PTPRH: variants seen among roughly 807,000 people sequenced by gnomAD.
PTPRH encodes protein tyrosine phosphatase receptor type H, also known as receptor-type tyrosine-protein phosphatase H.
PTPRH carries 113 observed loss-of-function variants against 130.2 expected under a neutral mutation model. That is an observed-to-expected ratio of 0.87 (90% CI 0.75 to 1.01). The LOEUF is 1.01. Ranked by LOEUF, PTPRH falls within the 50% of genes least tolerant of loss-of-function variation. PTPRH has a pLI of 0.00. For missense variants in PTPRH, 1,430 were observed against 1,425.0 expected (o/e 1.00, Z -0.06); for synonymous variants, 556 against 577.9 (o/e 0.96, Z 0.54).
At chr19:55,189,464 C>G (rs2086459299) in intron 12 of PTPRH, among the ~76,000 whole-genome samples, 1 of 152,208 alleles carries the variant, frequency 6.6e-6, no homozygotes, top group African/African-American at 2.4e-5. Context: ...TCTCTGACCT[C>G]ACTTCCCACT....
rs73066680 is a variant in PTPRH, at chr19:55,196,507, C to T, written c.2257+15G>A. The T allele has an allele frequency of 6.8e-4, 1,091 of 1,601,418 alleles. No individual in the cohort carries two copies. Among genetic ancestry groups the T allele is most frequent in the Non-Finnish European group, 8.8e-4 (1,034 of 1,173,766 alleles). On this transcript the variant is annotated intron_variant, in intron 10 of 19. Transcript: ENST00000376350. ...AATTTCATCATAGCTGGCTGGCCCG[C>T]GCGGCTCCGCTCACCTGCACTCTCG... is the stretch of plus-strand genomic sequence containing the variant.
chr19:55,204,429 G>T (rs2086978356), intron 4 of PTPRH, among the ~76,000 whole-genome samples: 2 of 152,182 alleles, frequency 1.3e-5, no homozygotes, highest in African/African-American at 4.8e-5. Context: ...GATCATCAGA[G>T]TTCCTAGTTG....
At chr19:55,207,570 AGGGCCTGG>A (rs901570666) in intron 1 of PTPRH, among the ~76,000 whole-genome samples, 4 of 140,594 alleles carry the variant, frequency 2.8e-5, no homozygotes, top group Non-Finnish European at 3.1e-5. Context: ...CTGAGGGTGG[AGGGCCTGG>A]GGGCCTGGGG....
intron 3 of PTPRH, among the ~76,000 whole-genome samples, chr19:55,206,465 G>A (rs915577026): frequency 4.0e-5 from 6 of 150,262 alleles, no homozygotes; most frequent in African/African-American, 7.4e-5. Context: ...ATGGGACCAC[G>A]GGAACACGCC....
intron 7 of PTPRH, among the ~76,000 whole-genome samples, chr19:55,199,896 GAGAA>G (rs949387087): frequency 6.8e-6 from 1 of 146,436 alleles, no homozygotes; most frequent in African/African-American, 2.5e-5. Context: ...GAAAGAAAGA[GAGAA>G]AGGAAGGAAA....
intron 5 of PTPRH, among the ~76,000 whole-genome samples, chr19:55,203,326 C>CAA (rs531285040): frequency 0.21 from 15,417 of 74,830 alleles, 1,481 homozygotes; most frequent in Admixed American, 0.33. Flanking sequence ...GACTCTGTCT[C>CAA]AAAAAAAAAA....
Position 55,209,296 on chromosome 19 carries a change from A to C in PTPRH, c.51+87T>G. On this transcript the variant is annotated intron_variant, in intron 1 of 19. Transcript: ENST00000376350. This position sits in a 1 kb window ranked among gnomAD's most constrained non-coding sequence, Gnocchi z 4.1. ...GGGGATCTTCAGCACCTACTTCCTCAAGATCGAGGTGCAGGCACCCAGCTC... is the reference window on the plus strand; with the variant it reads ...GGGGATCTTCAGCACCTACTTCCTCCAGATCGAGGTGCAGGCACCCAGCTC... 8.5e-7 allele frequency: 1 copy of C among 1,169,610 alleles called. No homozygotes were observed. The highest frequency in any genetic ancestry group is 1.3e-6 in the Non-Finnish European group (1 of 798,572). 72.5% of individuals were successfully genotyped at this position (1,169,610 alleles called of 1,614,324 possible). A position where few individuals can be genotyped will look rare whatever the true frequency, so the allele number is the denominator to read the frequency against.
chr19:55,195,768 A>G (rs141067868), intron 10 of PTPRH, among the ~76,000 whole-genome samples: 1,529 of 151,958 alleles, frequency 0.01, 18 homozygotes, highest in African/African-American at 0.033. Context: ...ATGGGGTCTC[A>G]CTCTGTTGCC....
chr19:55,186,640 A>ACAAGCAGAG (rs1555875420), intron 14 of PTPRH, 100 bp from the exon 15 acceptor site: 1 of 1,155,872 alleles, frequency 8.7e-7, no homozygotes, highest in Non-Finnish European at 1.2e-6. Flanking sequence ...AGACAAGACC[A>ACAAGCAGAG]AGACCCATGG....
At chr19:55,192,113 T>C (rs745481408) in intron 10 of PTPRH, 25 of 386,190 alleles carry the variant, frequency 6.5e-5, no homozygotes, top group Non-Finnish European at 1.2e-4. Context: ...GAATACAGCA[T>C]ATAGTACGGC....
At chr19:55,200,947 C>CA (rs750465404) in intron 6 of PTPRH, among the ~76,000 whole-genome samples, 18,975 of 123,476 alleles carry the variant, frequency 0.15, 1,343 homozygotes, top group South Asian at 0.17. Context: ...CGTCTCAAAA[C>CA]AAACAAAAAA....
chr19:55,181,287 G>GA lies in PTPRH; in HGVS notation c.*466dup, dbSNP rs2086164470. The GA allele has an allele frequency of 6.3e-6, 1 of 157,628 alleles. No individual in the cohort carries two copies. Among genetic ancestry groups the GA allele is most frequent in the Admixed American group, 6.1e-5 (1 of 16,514 alleles). The allele number at this position is 157,628 out of a possible 1,614,324, so 9.8% of individuals were successfully genotyped here. A position where few individuals can be genotyped will look rare whatever the true frequency, so the allele number is the denominator to read the frequency against. On this transcript the variant is annotated 3_prime_UTR_variant, in exon 20 of 20. Transcript: ENST00000376350. ...GATTTAATAAATTATGGGATAGAAG[G>GA]AAAAATACATGTGGATGGTGGGGTG...
Position 55,190,476 on chromosome 19 carries a change from ATTATATATTATATAAT to A in PTPRH, c.2384+1009_2384+1024del, listed in dbSNP as rs937851525. 4.3e-4 allele frequency among the ~76,000 whole-genome samples: 57 copies of A among 133,114 alleles called. 1 individual carries two copies. Among genetic ancestry groups the A allele is most frequent in the African/African-American group, 1.6e-3 (55 of 34,352 alleles). The allele number at this position is 133,114 out of a possible 152,430, so 87.3% of individuals were successfully genotyped here. A position where few individuals can be genotyped will look rare whatever the true frequency, so the allele number is the denominator to read the frequency against. On this transcript the variant is annotated intron_variant, in intron 12 of 19. Transcript: ENST00000376350. Reference sequence around the variant, plus strand: ...TATTTTATATATTATAAATTTATATATTATATATTATATAATTTATATATTATATTATATATAATGT... The same window carrying A: ...TATTTTATATATTATAAATTTATATATTATATATTATATTATATATAATGT...
chr19:55,207,345 C>T lies in PTPRH; in HGVS notation c.52-146G>A, dbSNP rs531764004. 2.2e-4 allele frequency: 170 copies of T among 788,120 alleles called. 1 individual carries two copies. The South Asian group carries it at 2.7e-3, about 13-fold the overall frequency. 48.8% of individuals were successfully genotyped at this position (788,120 alleles called of 1,614,324 possible). A position where few individuals can be genotyped will look rare whatever the true frequency, so the allele number is the denominator to read the frequency against. On this transcript the variant is annotated intron_variant, in intron 1 of 19. Coordinates refer to ENST00000376350, the MANE Select transcript of PTPRH (RefSeq NM_002842.5). The stretch of plus-strand genomic sequence containing the variant: ...GGGCCGGTGTTAGGCTGGGCTGTCA[C>T]GACCTCGACCGTCTTTCCTGGGTCG...
Position 55,182,052 on chromosome 19 carries a change from C to G in PTPRH, c.3162G>C (p.Lys1054Asn). 3 of 1,614,176 alleles carry G rather than the reference C, an allele frequency of 1.9e-6. No individual in the cohort carries two copies. Among genetic ancestry groups the G allele is most frequent in the Non-Finnish European group, 2.5e-6 (3 of 1,180,046 alleles). The change falls in exon 19 of 20, where the codon AAG becomes AAC. Residue 1054 changes from lysine (K) to asparagine (N), a missense_variant. Physicochemically the swap from Lys to Asn is moderately conservative, Grantham distance 94 (BLOSUM62 0). Transcript: ENST00000376350. ...CCATCAACGGCCGACTCTCTCTCAT[C>G]TTCCTTACAAAGCTGAAGGGCCCAA... ...GLLGPFSFVR[K>N]MRESRPLMVQ...
chr19:55,204,340 G>T (rs1195663046), intron 4 of PTPRH, among the ~76,000 whole-genome samples: 1 of 152,120 alleles, frequency 6.6e-6, no homozygotes, highest in Non-Finnish European at 1.5e-5. Context: ...CCTGACCTCA[G>T]GTGATCCTCC....
intron 10 of PTPRH, among the ~76,000 whole-genome samples, chr19:55,195,127 C>A (rs1344080943): frequency 6.6e-6 from 1 of 152,152 alleles, no homozygotes; most frequent in Admixed American, 6.6e-5. Flanking sequence ...GAGTTTGAGA[C>A]CAGCCTGGCC....
In PTPRH at chr19:55,205,430, T is replaced by C; in HGVS notation, c.515A>G (p.Asn172Ser). 2 of 1,614,136 alleles carry C rather than the reference T, an allele frequency of 1.2e-6. No individual in the cohort carries two copies. Among genetic ancestry groups the C allele is most frequent in the Non-Finnish European group, 8.5e-7 (1 of 1,180,024 alleles). ...GGGTTCAAGTCCATCCACGGTGATG[T>C]TAGTGTGTGCTGTGCTTCGAGTCCC... The part of the protein sequence containing the change: ...RAGTRSTAHT[N>S]ITVDGLEPGC... The change falls in exon 4 of 20, where the codon AAC becomes AGC. Residue 172 changes from asparagine (N) to serine (S), a missense_variant. By Grantham distance (46) the Asn-to-Ser change is conservative (BLOSUM62 1). Transcript: ENST00000376350.
intron 10 of PTPRH, among the ~76,000 whole-genome samples, chr19:55,195,582 T>A (rs572356940): frequency 6.6e-6 from 1 of 152,268 alleles, no homozygotes; most frequent in Non-Finnish European, 1.5e-5. Context: ...TTGCATTTTT[T>A]TTGTTTTTGA....
Sources: gnomAD v4.1 joint callset for allele counts (sites outside exome capture counted in the v4.1 genomes callset) on GRCh38, gnomAD v4.1.1 for gene constraint, Gnocchi (gnomAD v3.1) non-coding constraint, MANE v1.5 for transcripts, NCBI Gene and HGNC (gene_info 2026-07-23, HGNC 2026-07-21) for gene names.